The following PARD3B variants were observed in gnomAD, a reference collection of about 807,000 sequenced individuals.
The protein encoded by PARD3B is par-3 family cell polarity regulator beta.
A neutral mutation model predicts 130.2 loss-of-function variants in PARD3B; 103 were observed. The observed-to-expected ratio is 0.79, with a 90% CI of 0.67 to 0.93. The LOEUF (loss-of-function observed/expected upper bound fraction) is 0.93. PARD3B is among the 40% of genes least tolerant of loss of function. The pLI is 0.00. For missense variants in PARD3B, 1,609 were observed against 1,499.2 expected, an observed-to-expected ratio of 1.07 and a Z score of -1.21; for synonymous variants, 583 against 553.2, an observed-to-expected ratio of 1.05 and a Z score of -0.76.
chr2:205,553,819 G>C (rs2052758425), intron 22 of PARD3B, among the ~76,000 whole-genome samples: 1 of 152,162 alleles, frequency 6.6e-6, no homozygotes, highest in African/African-American at 2.4e-5. Context: ...AAAGAAATGT[G>C]AACTTAGGAA....
chr2:204,722,957 C>A (rs1379210304), intron 2 of PARD3B, among the ~76,000 whole-genome samples: 1 of 152,080 alleles, frequency 6.6e-6, no homozygotes, highest in African/African-American at 2.4e-5. Flanking sequence ...GGTATTGTTT[C>A]ATCAAAATTT....
At chr2:205,169,815 A>G (rs1051130187) in intron 11 of PARD3B, among the ~76,000 whole-genome samples, 1 of 152,190 alleles carries the variant, frequency 6.6e-6, no homozygotes, top group Non-Finnish European at 1.5e-5. Context: ...TTTAGTAACA[A>G]GATTCAGCCC....
chr2:204,784,440 A>G (rs1038252442), intron 2 of PARD3B, among the ~76,000 whole-genome samples: 1 of 152,206 alleles, frequency 6.6e-6, no homozygotes, highest in African/African-American at 2.4e-5. Flanking sequence ...TGCATGCTTA[A>G]AGGACAAACT....
intron 3 of PARD3B, among the ~76,000 whole-genome samples, chr2:205,017,653 C>T (rs1696252432): frequency 1.3e-5 from 2 of 152,156 alleles, no homozygotes; most frequent in Admixed American, 6.6e-5. Context: ...TTCTCATGCT[C>T]ATCTAGTCCT....
rs910246815 is a variant in PARD3B, at chr2:205,158,021, G to C, written c.1435-701G>C. On this transcript the variant is annotated intron_variant, in intron 10 of 22. Coordinates refer to ENST00000406610, the MANE Select transcript of PARD3B (RefSeq NM_001302769.2). The surrounding 1 kb of genome is among the most constrained non-coding windows in gnomAD (Gnocchi z 5.4). The stretch of plus-strand genomic sequence containing the variant: ...AGGTGTCATTTATCAAATATGACAT[G>C]AATGTTTGTTGTGCATAATCATTTT... Among the ~76,000 whole-genome samples the C allele has an allele frequency of 2.6e-5, 4 of 152,154 alleles. No individual in the cohort carries two copies. Among genetic ancestry groups the C allele is most frequent in the Non-Finnish European group, 5.9e-5 (4 of 68,026 alleles).
intron 3 of PARD3B, among the ~76,000 whole-genome samples, chr2:204,987,826 T>A (rs919942732): frequency 3.3e-5 from 5 of 152,136 alleles, no homozygotes; most frequent in African/African-American, 1.2e-4. Context: ...GTGATTCTTA[T>A]ATAGGGAGGT....
At chr2:205,074,877 G>A (rs1447576570) in intron 4 of PARD3B, among the ~76,000 whole-genome samples, 1 of 152,110 alleles carries the variant, frequency 6.6e-6, no homozygotes, top group East Asian at 1.9e-4. Flanking sequence ...TTAGACAAAT[G>A]TTATTCTACA....
chr2:205,205,707 G>A (rs1398233190), intron 15 of PARD3B, among the ~76,000 whole-genome samples: 1 of 152,184 alleles, frequency 6.6e-6, no homozygotes, highest in Non-Finnish European at 1.5e-5. Flanking sequence ...AGATAATCAT[G>A]TGGTTTTTGT....
At chr2:205,615,429 A>G in intron 22 of PARD3B, 27 bp from the exon 23 acceptor site, 1 of 1,547,920 alleles carries the variant, frequency 6.5e-7, no homozygotes, top group Non-Finnish European at 8.7e-7. Flanking sequence ...AGGAGCTGCT[A>G]ACATGTGTCT....
chr2:205,057,550 T>C (rs935053542), intron 4 of PARD3B, among the ~76,000 whole-genome samples: 3 of 147,294 alleles, frequency 2.0e-5, no homozygotes, highest in Non-Finnish European at 4.5e-5. Flanking sequence ...TATATGTGTA[T>C]ATGTATATAT....
chr2:204,705,708 G>T (rs1221451766), intron 2 of PARD3B, among the ~76,000 whole-genome samples: 1 of 152,166 alleles, frequency 6.6e-6, no homozygotes, highest in Non-Finnish European at 1.5e-5. Flanking sequence ...ATGTGTCTCT[G>T]TACTTGGGAA....
rs1333899932 is a variant in PARD3B, at chr2:205,351,710, T to G, written c.2631-49303T>G. Reference sequence around the variant, plus strand: ...TTCTGATTCTCTATATGATTTTAACTCTAGAATTGCTAAAGGTAGCTCTGT... The same window carrying G: ...TTCTGATTCTCTATATGATTTTAACGCTAGAATTGCTAAAGGTAGCTCTGT... On this transcript the variant is annotated intron_variant, in intron 18 of 22. Coordinates refer to ENST00000406610, the MANE Select transcript of PARD3B (RefSeq NM_001302769.2). The surrounding 1 kb of genome is among the most constrained non-coding windows in gnomAD (Gnocchi z 4.2). Among the ~76,000 whole-genome samples, 1 of 152,062 alleles carries G rather than the reference T, an allele frequency of 6.6e-6. No individual in the cohort carries two copies. The highest frequency in any genetic ancestry group is 1.9e-4 in the East Asian group (1 of 5,194).
intron 1 of PARD3B, among the ~76,000 whole-genome samples, chr2:204,652,425 C>G (rs954486122): frequency 2.6e-5 from 4 of 152,198 alleles, no homozygotes; most frequent in Non-Finnish European, 5.9e-5. Flanking sequence ...TCACCAATCT[C>G]TTCACTAAAG....
intron 22 of PARD3B, among the ~76,000 whole-genome samples, chr2:205,604,571 G>A (rs908480537): frequency 2.0e-5 from 3 of 152,158 alleles, no homozygotes; most frequent in Non-Finnish European, 2.9e-5. Flanking sequence ...CTGCTGACAA[G>A]TCTGCTCTTA....
rs148286934 is a variant in PARD3B, at chr2:204,614,675, T to G, written c.120+68556T>G. Among the ~76,000 whole-genome samples the G allele has an allele frequency of 3.5e-3, 537 of 152,250 alleles. 8 individuals are homozygous for G. The highest frequency in any genetic ancestry group is 1.2e-3 in the Non-Finnish European group (85 of 68,014). On this transcript the variant is annotated intron_variant, in intron 1 of 22. Coordinates refer to ENST00000406610, the MANE Select transcript of PARD3B (RefSeq NM_001302769.2). Reference sequence around the variant, plus strand: ...ATATTTAAATCATGGGGGCAGTTTCTCATGAGTGGTTTAGTACCATCCTCT... The same window carrying G: ...ATATTTAAATCATGGGGGCAGTTTCGCATGAGTGGTTTAGTACCATCCTCT...
intron 22 of PARD3B, among the ~76,000 whole-genome samples, chr2:205,597,842 A>G: frequency 6.6e-6 from 1 of 152,240 alleles, no homozygotes; most frequent in East Asian, 1.9e-4. Context: ...ATCCTTAAAG[A>G]AAAGAAATTC....
In PARD3B at chr2:205,268,319, G is replaced by A. The variant is rs2040590555; in HGVS notation, c.2185+22497G>A. ...AAGCTCACTCATATAATTGGTTTTT[G>A]AGAACGGTTCCAATATATTGGGAGA... On this transcript the variant is annotated intron_variant, in intron 16 of 22. Coordinates refer to ENST00000406610, the MANE Select transcript of PARD3B (RefSeq NM_001302769.2). This position sits in a 1 kb window ranked among gnomAD's most constrained non-coding sequence, Gnocchi z 4.1. 1.3e-5 allele frequency among the ~76,000 whole-genome samples: 2 copies of A among 152,198 alleles called. No individual in the cohort carries two copies. The highest frequency in any genetic ancestry group is 4.8e-5 in the African/African-American group (2 of 41,448).
intron 4 of PARD3B, among the ~76,000 whole-genome samples, chr2:205,049,186 G>C (rs2125416273): frequency 6.6e-6 from 1 of 152,242 alleles, no homozygotes; most frequent in South Asian, 2.1e-4. Context: ...TTTTCACACT[G>C]CTCTAAAGAA....
Position 205,568,782 on chromosome 2 carries a change from C to T in PARD3B, c.3260+15379C>T, listed in dbSNP as rs1222334255. Among the ~76,000 whole-genome samples the T allele has an allele frequency of 6.6e-6, 1 of 152,192 alleles. No individual in the cohort carries two copies. Among genetic ancestry groups the T allele is most frequent in the African/African-American group, 2.4e-5 (1 of 41,436 alleles). ...CATGGTCTCCACAGTCTCACCTTAGCCTCAGGCCTTCATGCTAAGACACTA... is the reference window on the plus strand; with the variant it reads ...CATGGTCTCCACAGTCTCACCTTAGTCTCAGGCCTTCATGCTAAGACACTA... On this transcript the variant is annotated intron_variant, in intron 22 of 22. Coordinates refer to ENST00000406610, the MANE Select transcript of PARD3B (RefSeq NM_001302769.2). The surrounding 1 kb of genome is among the most constrained non-coding windows in gnomAD (Gnocchi z 5.3).
Sources: allele counts gnomAD v4.1 joint callset (sites outside exome capture counted in the v4.1 genomes callset), GRCh38; gene constraint gnomAD v4.1.1; non-coding constraint Gnocchi (gnomAD v3.1); transcripts MANE v1.5; gene names NCBI Gene and HGNC (gene_info 2026-07-23, HGNC 2026-07-21).